MACROD1: variants seen among roughly 807,000 people sequenced by gnomAD.
The protein encoded by MACROD1 is mono-ADP ribosylhydrolase 1.
Under a neutral mutation model 41.4 loss-of-function variants are expected in MACROD1, and 31 were observed. The observed-to-expected ratio is 0.75, with a 90% CI of 0.56 to 1.01. The LOEUF (loss-of-function observed/expected upper bound fraction) is 1.01. MACROD1 is among the 50% of genes least tolerant of loss of function. The pLI is 0.00. For missense variants in MACROD1, 473 were observed against 460.0 expected (o/e 1.03, Z -0.26); for synonymous variants, 252 against 203.4 (o/e 1.24, Z -2.03).
intron 3 of MACROD1, among the ~76,000 whole-genome samples, chr11:64,132,086 T>G (rs2134660233): frequency 6.6e-6 from 1 of 152,236 alleles, no homozygotes; most frequent in South Asian, 2.1e-4. Flanking sequence ...CAGAAATGGC[T>G]GATACTCCGT....
chr11:64,022,122 G>C (rs1943165744), intron 3 of MACROD1, among the ~76,000 whole-genome samples: 1 of 151,946 alleles, frequency 6.6e-6, no homozygotes, highest in Non-Finnish European at 1.5e-5. Context: ...GCTCAGGCAA[G>C]AGCAGCCCCT....
intron 3 of MACROD1, among the ~76,000 whole-genome samples, chr11:64,137,078 G>A (rs796892186): frequency 1.3e-4 from 20 of 152,316 alleles, no homozygotes; most frequent in African/African-American, 4.8e-4. Flanking sequence ...TCAAATCGAT[G>A]GTGACACATT....
chr11:64,020,030 C>T (rs1472455210), intron 3 of MACROD1, among the ~76,000 whole-genome samples: 1 of 152,158 alleles, frequency 6.6e-6, no homozygotes, highest in African/African-American at 2.4e-5. Flanking sequence ...GGGCCCATGA[C>T]ACTTTTAGGG....
At chr11:64,145,950 A>G (rs1023652072) in intron 3 of MACROD1, among the ~76,000 whole-genome samples, 1 of 152,054 alleles carries the variant, frequency 6.6e-6, no homozygotes, top group African/African-American at 2.4e-5. Flanking sequence ...TTGTATTTTT[A>G]GTAGAGACCA....
chr11:64,151,078 G>A (rs770229599), intron 3 of MACROD1, among the ~76,000 whole-genome samples, 161 bp downstream of exon 3: 16 of 152,198 alleles, frequency 1.1e-4, no homozygotes, highest in Non-Finnish European at 1.8e-4. Flanking sequence ...AGAGGAGCCC[G>A]AGTGGCCGAC....
At chr11:64,048,369 G>A (rs1207332022) in intron 3 of MACROD1, among the ~76,000 whole-genome samples, 1 of 152,212 alleles carries the variant, frequency 6.6e-6, no homozygotes, top group Non-Finnish European at 1.5e-5. Context: ...CAGGACAGAG[G>A]CCCTTGTCTG....
At chr11:64,035,683 CCGCCG>C (rs1943361027) in intron 3 of MACROD1, among the ~76,000 whole-genome samples, 1 of 149,794 alleles carries the variant, frequency 6.7e-6, no homozygotes, top group African/African-American at 2.4e-5. Context: ...GCGCCGGGTC[CCGCCG>C]GCCAGTGCGC....
chr11:64,024,217 C>T (rs1300401031), intron 3 of MACROD1, among the ~76,000 whole-genome samples: 5 of 152,234 alleles, frequency 3.3e-5, no homozygotes, highest in Non-Finnish European at 7.3e-5. Flanking sequence ...CGCCCCATTC[C>T]CATGGCCCTG....
intron 4 of MACROD1, among the ~76,000 whole-genome samples, chr11:64,014,780 T>C (rs1350876203): frequency 2.6e-5 from 4 of 152,172 alleles, no homozygotes; most frequent in Non-Finnish European, 5.9e-5. Context: ...TCCGTGGTGG[T>C]CGTTAACAAT....
intron 3 of MACROD1, 81 bp downstream of exon 3, chr11:64,151,158 G>T: frequency 2.4e-6 from 3 of 1,233,826 alleles, no homozygotes; most frequent in Non-Finnish European, 3.5e-6. Flanking sequence ...GCCAGGTGGC[G>T]TCCACCCAGG....
chr11:64,083,877 C>T (rs1018262010), intron 3 of MACROD1, among the ~76,000 whole-genome samples: 14 of 152,258 alleles, frequency 9.2e-5, no homozygotes, highest in Non-Finnish European at 1.3e-4. Flanking sequence ...GGGTGCTGGG[C>T]GAGTGTGAGC....
chr11:64,073,647 G>C (rs1565220249), intron 3 of MACROD1, among the ~76,000 whole-genome samples: 1 of 152,216 alleles, frequency 6.6e-6, no homozygotes. Context: ...ATGTACGTCT[G>C]GGCCGGGAGC....
At chr11:64,001,822 G>C (rs755458151) in intron 4 of MACROD1, 83 of 691,650 alleles carry the variant, frequency 1.2e-4, no homozygotes, top group Non-Finnish European at 2.0e-4. Flanking sequence ...TGAGTGTTCC[G>C]AATGGGGTGC....
At chr11:64,033,873 A>AT (rs374919199) in intron 3 of MACROD1, among the ~76,000 whole-genome samples, 11 of 151,806 alleles carry the variant, frequency 7.2e-5, no homozygotes, top group African/African-American at 2.4e-4. Flanking sequence ...ATTTTTTTGT[A>AT]TTTTTTTTAT....
chr11:64,153,070 C>A (rs1191858744), intron 1 of MACROD1, among the ~76,000 whole-genome samples: 4 of 151,170 alleles, frequency 2.6e-5, no homozygotes, highest in Non-Finnish European at 3.0e-5. Flanking sequence ...AGGAGCCAGG[C>A]ACCCCCCACC....
chr11:64,087,654 C>T (rs1440127513), intron 3 of MACROD1, among the ~76,000 whole-genome samples: 5 of 152,352 alleles, frequency 3.3e-5, no homozygotes, highest in Admixed American at 6.5e-5. Context: ...CATGCAGCCA[C>T]GGGTCCTTGT....
chr11:64,000,190 T>C, intron 5 of MACROD1, 37 bp downstream of exon 5: 1 of 1,544,110 alleles, frequency 6.5e-7, no homozygotes, highest in Non-Finnish European at 8.9e-7. Context: ...GGGCGCCCTG[T>C]CTGCGCCCCA....
At position 64,008,560 on chromosome 11, in the gene MACROD1, C is replaced by T. The variant is rs914263532; in HGVS notation, c.547+6692G>A. Among the ~76,000 whole-genome samples, 146 of 152,186 alleles carry T rather than the reference C, an allele frequency of 9.6e-4. 2 individuals are homozygous for T. The highest frequency in any genetic ancestry group is 2.4e-4 in the African/African-American group (10 of 41,526). ...TGCGACAGGAGGGCAGAGGAGCGCT[C>T]GGGCCCGGGAGCAGCATGTGCAAAG... On this transcript the variant is annotated intron_variant, in intron 4 of 10. Coordinates refer to ENST00000255681, the MANE Select transcript of MACROD1 (RefSeq NM_014067.4).
chr11:64,011,304 ATGT>A (rs1417608961), intron 4 of MACROD1, among the ~76,000 whole-genome samples: 11 of 128,040 alleles, frequency 8.6e-5, no homozygotes, highest in East Asian at 5.0e-4. Flanking sequence ...GTTGGCTGGC[ATGT>A]TGTTGGGGTG....
Sources: gnomAD v4.1 joint callset for allele counts (sites outside exome capture counted in the v4.1 genomes callset) on GRCh38, gnomAD v4.1.1 for gene constraint, MANE v1.5 for transcripts, NCBI Gene and HGNC (gene_info 2026-07-23, HGNC 2026-07-21) for gene names.